The following ATP9B variants were observed in gnomAD, a reference collection of about 807,000 sequenced individuals.
ATP9B encodes the protein ATPase phospholipid transporting 9B, also known as probable phospholipid-transporting ATPase IIB.
ATP9B carries 110 observed loss-of-function variants against 146.1 expected under a neutral mutation model. The ratio of observed to expected loss-of-function variants is 0.75; its 90% CI spans 0.65 to 0.88. The LOEUF (loss-of-function observed/expected upper bound fraction) is 0.88, where lower values mean the gene tolerates loss of function less well. Ranked by LOEUF, ATP9B falls within the 40% of genes least tolerant of loss-of-function variation. The probability of loss-of-function intolerance (pLI) is 0.00; values close to 1 mark genes in which losing one functional copy is unlikely to be tolerated. For synonymous variants in ATP9B, 604 were observed against 569.7 expected, an observed-to-expected ratio of 1.06 and a Z score of -0.86; for missense variants, 1,499 against 1,496.4, an observed-to-expected ratio of 1.00 and a Z score of -0.03.
At chr18:79,241,495 G>A (rs1258052404) in intron 11 of ATP9B, among the ~76,000 whole-genome samples, 1 of 152,162 alleles carries the variant, frequency 6.6e-6, no homozygotes, top group East Asian at 1.9e-4. Flanking sequence ...TCGTCAGCCA[G>A]GGTGCTGATC....
Position 79,345,758 on chromosome 18 carries a change from C to G in ATP9B, c.2618-17C>G, listed in dbSNP as rs3736150. 2.8e-4 allele frequency: 455 copies of G among 1,614,194 alleles called. 3 individuals carry two copies. The East Asian group carries it at 9.9e-3, about 35-fold the overall frequency. Reference sequence around the variant, plus strand: ...ATGGATAAGGTTTTATTTCATCTCACTTTTCTTGCTTCGCAGGTGATGGAG... The same window carrying G: ...ATGGATAAGGTTTTATTTCATCTCAGTTTTCTTGCTTCGCAGGTGATGGAG... On this transcript the variant is annotated splice_polypyrimidine_tract_variant and intron_variant, in intron 22 of 29. Transcript: ENST00000426216.
At chr18:79,339,695 G>A (rs942069303) in intron 19 of ATP9B, among the ~76,000 whole-genome samples, 1 of 151,378 alleles carries the variant, frequency 6.6e-6, no homozygotes, top group African/African-American at 2.4e-5. Context: ...GCAGTAGGAA[G>A]TGTATCATGA....
intron 11 of ATP9B, among the ~76,000 whole-genome samples, chr18:79,219,080 C>T (rs2095654657): frequency 6.6e-6 from 1 of 152,156 alleles, no homozygotes; most frequent in South Asian, 2.1e-4. Flanking sequence ...CAGTAGTCAA[C>T]AGTGTGCTGG....
At chr18:79,080,420 C>G (rs993776562) in intron 1 of ATP9B, among the ~76,000 whole-genome samples, 2 of 152,174 alleles carry the variant, frequency 1.3e-5, no homozygotes, top group Non-Finnish European at 2.9e-5. Context: ...AATGGAAATT[C>G]ACTCATGATT....
At chr18:79,312,684 A>C (rs1392529524) in intron 15 of ATP9B, among the ~76,000 whole-genome samples, 4 of 152,202 alleles carry the variant, frequency 2.6e-5, no homozygotes, top group African/African-American at 9.7e-5. Flanking sequence ...GGAGGAGGGG[A>C]GTAAAACACA....
At chr18:79,369,360 C>T (rs1169275015) in intron 26 of ATP9B, among the ~76,000 whole-genome samples, 3 of 151,870 alleles carry the variant, frequency 2.0e-5, no homozygotes, top group African/African-American at 7.3e-5. Context: ...GGTGAAACCC[C>T]GTCTCTACTA....
At chr18:79,162,454 A>G (rs1480656011) in intron 7 of ATP9B, among the ~76,000 whole-genome samples, 8 of 152,260 alleles carry the variant, frequency 5.3e-5, no homozygotes, top group Admixed American at 5.2e-4. Context: ...AGAGAAATTA[A>G]TGCTTTAGAA....
chr18:79,090,585 T>G (rs571159957), intron 1 of ATP9B, among the ~76,000 whole-genome samples: 1 of 152,310 alleles, frequency 6.6e-6, no homozygotes, highest in Admixed American at 6.5e-5. Context: ...TTGAGAAATG[T>G]CTATTCGGAT....
At chr18:79,135,033 C>T (rs1001745289) in intron 5 of ATP9B, among the ~76,000 whole-genome samples, 1 of 151,830 alleles carries the variant, frequency 6.6e-6, no homozygotes, top group Non-Finnish European at 1.5e-5. Flanking sequence ...TTCTTTTTTC[C>T]CCCACAAATG....
At chr18:79,223,798 G>A (rs184893206) in intron 11 of ATP9B, among the ~76,000 whole-genome samples, 1 of 152,260 alleles carries the variant, frequency 6.6e-6, no homozygotes, top group East Asian at 1.9e-4. Context: ...CAGGAAAGTA[G>A]TAAAGAAACA....
chr18:79,237,869 T>G (rs1293251238), intron 11 of ATP9B, among the ~76,000 whole-genome samples: 1 of 142,376 alleles, frequency 7.0e-6, no homozygotes, highest in East Asian at 2.6e-4. Flanking sequence ...TTTTTATTTT[T>G]TTGTAGAGAC....
At chr18:79,321,659 C>T (rs1424055205) in intron 15 of ATP9B, among the ~76,000 whole-genome samples, 1 of 152,120 alleles carries the variant, frequency 6.6e-6, no homozygotes, top group African/African-American at 2.4e-5. Flanking sequence ...TTCTGGTTGG[C>T]ATTATATAGA....
intron 5 of ATP9B, among the ~76,000 whole-genome samples, chr18:79,130,629 C>T (rs140634164): frequency 3.9e-5 from 6 of 151,992 alleles, no homozygotes; most frequent in East Asian, 1.9e-4. Flanking sequence ...AAGGATAATA[C>T]GAGAAAAATC....
At chr18:79,270,068 C>G (rs1171491189) in intron 12 of ATP9B, among the ~76,000 whole-genome samples, 1 of 151,972 alleles carries the variant, frequency 6.6e-6, no homozygotes, top group Non-Finnish European at 1.5e-5. Context: ...GGGGGACTTG[C>G]CGCTTGTCTT....
rs954113664 is a variant in ATP9B at position 79,375,254 on chromosome 18, T to A, written c.3275-140T>A. 2.4e-5 allele frequency: 17 copies of A among 715,710 alleles called. No homozygotes were observed. The African/African-American group carries it at 2.8e-4, about 12-fold the overall frequency. 44.3% of individuals were successfully genotyped at this position (715,710 alleles called of 1,614,324 possible). A position where few individuals can be genotyped will look rare whatever the true frequency, so the allele number is the denominator to read the frequency against. On this transcript the variant is annotated intron_variant, in intron 28 of 29. Transcript: ENST00000426216. ...GGTATCAGGCAGGGAAATGAGATGT[T>A]AAAACCACATTGAAAACGCAGCTTG...
chr18:79,363,349 C>G (rs977052567), intron 26 of ATP9B: 1 of 11,764 alleles, frequency 8.5e-5, no homozygotes, highest in Non-Finnish European at 1.5e-4. Flanking sequence ...AGGAAAGAAA[C>G]TGTAAAAGGC....
intron 29 of ATP9B, chr18:79,376,216 A>ACACACACACACACACACAC (rs33978603): frequency 1.3e-6 from 1 of 764,622 alleles, no homozygotes; most frequent in African/African-American, 3.1e-5. Context: ...CACACACACA[A>ACACACACACACACACACAC]AACAAAACAA....
At chr18:79,157,045 G>T (rs1196994410) in intron 7 of ATP9B, among the ~76,000 whole-genome samples, 2 of 152,076 alleles carry the variant, frequency 1.3e-5, no homozygotes, top group African/African-American at 4.8e-5. Context: ...TTTTGTTAAG[G>T]CTTTTTTTGC....
intron 9 of ATP9B, among the ~76,000 whole-genome samples, chr18:79,204,751 G>A (rs141718605): frequency 6.6e-6 from 1 of 152,320 alleles, no homozygotes; most frequent in East Asian, 1.9e-4. Flanking sequence ...CATCCAGGCT[G>A]TGTCTGCAGG....
Sources: gnomAD v4.1 joint callset for allele counts (sites outside exome capture counted in the v4.1 genomes callset) on GRCh38, gnomAD v4.1.1 for gene constraint, MANE v1.5 for transcripts, NCBI Gene and HGNC (gene_info 2026-07-23, HGNC 2026-07-21) for gene names.